Variants in SORCS2 observed in about 807,000 individuals in gnomAD.
SORCS2 encodes sortilin related VPS10 domain containing receptor 2, also known as VPS10 domain-containing receptor SorCS2.
SORCS2 carries 100 observed loss-of-function variants against 141.6 expected under a neutral mutation model. That is an observed-to-expected ratio of 0.71 (90% CI 0.60 to 0.83). The LOEUF (loss-of-function observed/expected upper bound fraction) is 0.83, where lower values mean the gene tolerates loss of function less well. Ranked by LOEUF, SORCS2 falls within the 40% of genes least tolerant of loss-of-function variation. SORCS2 has a pLI of 0.00. For synonymous variants in SORCS2, 789 were observed against 676.9 expected, an observed-to-expected ratio of 1.17 and a Z score of -2.57; for missense variants, 1,646 against 1,560.2, an observed-to-expected ratio of 1.05 and a Z score of -0.93.
chr4:7,205,326 A>G (rs1727674213), intron 1 of SORCS2, among the ~76,000 whole-genome samples: 2 of 152,246 alleles, frequency 1.3e-5, no homozygotes. Context: ...CCAATCCTGG[A>G]GAAGCTGATG....
chr4:7,669,317 A>G (rs1722668318), intron 8 of SORCS2, among the ~76,000 whole-genome samples: 1 of 152,212 alleles, frequency 6.6e-6, no homozygotes, highest in Non-Finnish European at 1.5e-5. Context: ...GGGTCCATGC[A>G]CAGGACCCAG....
intron 1 of SORCS2, among the ~76,000 whole-genome samples, chr4:7,335,479 C>A (rs185774013): frequency 3.3e-5 from 5 of 152,328 alleles, no homozygotes; most frequent in Admixed American, 1.3e-4. Context: ...TCCCAGGACG[C>A]CTTTTCTTTC....
At chr4:7,310,725 G>C (rs1017223688) in intron 1 of SORCS2, among the ~76,000 whole-genome samples, 1 of 152,210 alleles carries the variant, frequency 6.6e-6, no homozygotes, top group Non-Finnish European at 1.5e-5. Flanking sequence ...TTCTGACCTT[G>C]GATTTGAGTT....
At chr4:7,403,995 A>ATT (rs1352478314) in intron 2 of SORCS2, among the ~76,000 whole-genome samples, 6 of 9,556 alleles carry the variant, frequency 6.3e-4, no homozygotes, top group African/African-American at 1.3e-3. Flanking sequence ...ATATATATAT[A>ATT]TATTTTTTTT....
intron 1 of SORCS2, among the ~76,000 whole-genome samples, chr4:7,314,785 C>G (rs1044913250): frequency 2.7e-5 from 4 of 147,842 alleles, no homozygotes; most frequent in Admixed American, 2.7e-4. Flanking sequence ...CTCCCAGGAG[C>G]CTGCCCACTG....
intron 1 of SORCS2, among the ~76,000 whole-genome samples, chr4:7,299,338 G>T (rs11729419): frequency 0.77 from 117,488 of 151,980 alleles, 47,463 homozygotes; most frequent in Non-Finnish European, 0.89. Flanking sequence ...GCAGTCCAGG[G>T]CCCTGGATCC....
chr4:7,306,981 C>A (rs1051935450), intron 1 of SORCS2, among the ~76,000 whole-genome samples: 1 of 152,200 alleles, frequency 6.6e-6, no homozygotes, highest in African/African-American at 2.4e-5. Flanking sequence ...TGTCCCGGAG[C>A]TGATTCGGTG....
chr4:7,614,955 T>C (rs555584556), intron 3 of SORCS2, among the ~76,000 whole-genome samples: 3 of 152,090 alleles, frequency 2.0e-5, no homozygotes, highest in Non-Finnish European at 4.4e-5. Context: ...CACCATCCAT[T>C]CACCCATAAT....
intron 4 of SORCS2, 137 bp from the exon 5 acceptor site, chr4:7,653,997 A>G (rs1721596225): frequency 2.5e-6 from 2 of 803,880 alleles, no homozygotes; most frequent in Middle Eastern, 2.4e-4. Flanking sequence ...CAGCATGAGC[A>G]CAGCGCCTCC....
At chr4:7,562,690 G>T (rs1560388501) in intron 3 of SORCS2, among the ~76,000 whole-genome samples, 1 of 152,184 alleles carries the variant, frequency 6.6e-6, no homozygotes, top group African/African-American at 2.4e-5. Flanking sequence ...ACACTGCTCT[G>T]GACCAGAGTC....
chr4:7,601,824 G>A (rs557492711), intron 3 of SORCS2, among the ~76,000 whole-genome samples: 4 of 152,166 alleles, frequency 2.6e-5, no homozygotes, highest in South Asian at 4.2e-4. Flanking sequence ...GCCGCCTTCC[G>A]CAGTGTTTGT....
At chr4:7,365,712 C>A (rs569547372) in intron 1 of SORCS2, among the ~76,000 whole-genome samples, 1 of 152,292 alleles carries the variant, frequency 6.6e-6, no homozygotes, top group South Asian at 2.1e-4. Context: ...TTGTGCCTGT[C>A]GAACCTGGCA....
chr4:7,691,635 C>A (rs1323165306), intron 11 of SORCS2, among the ~76,000 whole-genome samples: 1 of 152,092 alleles, frequency 6.6e-6, no homozygotes, highest in African/African-American at 2.4e-5. Context: ...GAAAATGTGA[C>A]CCATCAGCAT....
intron 8 of SORCS2, 135 bp from the exon 9 acceptor site, chr4:7,675,915 G>A (rs745947490): frequency 1.1e-5 from 11 of 970,600 alleles, no homozygotes; most frequent in East Asian, 2.6e-5. Flanking sequence ...CGAGCCAGGA[G>A]GCAAACCTAG....
intron 1 of SORCS2, among the ~76,000 whole-genome samples, chr4:7,256,972 G>A (rs1220779253): frequency 1.2e-4 from 18 of 152,156 alleles, no homozygotes; most frequent in Non-Finnish European, 5.9e-5. Flanking sequence ...AGAGACTCGG[G>A]GGTCATTAAT....
chr4:7,664,326 G>T lies in SORCS2; in HGVS notation c.953-27G>T. 1 of 1,594,048 alleles carries T rather than the reference G, an allele frequency of 6.3e-7. No homozygotes were observed. Among genetic ancestry groups the T allele is most frequent in the Non-Finnish European group, 8.6e-7 (1 of 1,165,292 alleles). The stretch of plus-strand genomic sequence containing the variant: ...CTCTGGCTCCGGCTGGAGTCTGACC[G>T]CCTGGGTCGGCGCCTCTCTCCTGTA... On this transcript the variant is annotated intron_variant, in intron 6 of 26. Transcript: ENST00000507866. The surrounding 1 kb of genome is among the most constrained non-coding windows in gnomAD (Gnocchi z 4.7).
intron 3 of SORCS2, among the ~76,000 whole-genome samples, chr4:7,574,497 A>T (rs929828552): frequency 6.6e-6 from 1 of 152,076 alleles, no homozygotes. Flanking sequence ...CGTGTGTGTT[A>T]TGCAGAATGT....
At chr4:7,705,663 C>T (rs895726826) in intron 14 of SORCS2, among the ~76,000 whole-genome samples, 3 of 152,160 alleles carry the variant, frequency 2.0e-5, no homozygotes, top group African/African-American at 7.2e-5. Context: ...ACTGGGACTA[C>T]ACTCTGGCTG....
At chr4:7,703,206 C>T in intron 12 of SORCS2, 74 bp from the exon 13 acceptor site, 1 of 1,254,740 alleles carries the variant, frequency 8.0e-7, no homozygotes, top group Non-Finnish European at 1.1e-6. Flanking sequence ...ACCCTCCTCC[C>T]AGGAGCCGCT....
Sources: allele counts gnomAD v4.1 joint callset (sites outside exome capture counted in the v4.1 genomes callset), GRCh38; gene constraint gnomAD v4.1.1; non-coding constraint Gnocchi (gnomAD v3.1); transcripts MANE v1.5; gene names NCBI Gene and HGNC (gene_info 2026-07-23, HGNC 2026-07-21).